The following ZNF707 variants were observed in gnomAD, a reference collection of about 807,000 sequenced individuals.
The protein encoded by ZNF707 is zinc finger protein 707.
Under a neutral mutation model 13.3 loss-of-function variants are expected in ZNF707, and 8 were observed. That is an observed-to-expected ratio of 0.60 (90% CI 0.35 to 1.09). The LOEUF is 1.09. ZNF707 is among the 50% of genes least tolerant of loss of function. The pLI is 0.02. For missense variants in ZNF707, 530 were observed against 512.6 expected, an observed-to-expected ratio of 1.03 and a Z score of -0.33; for synonymous variants, 225 against 205.6, an observed-to-expected ratio of 1.09 and a Z score of -0.81.
chr8:143,694,508 C>G lies in ZNF707; in HGVS notation c.1094C>G (p.Thr365Ser), dbSNP rs369906843. 6.2e-7 allele frequency: 1 copy of G among 1,604,608 alleles called. No homozygotes were observed. Among genetic ancestry groups the G allele is most frequent in the Non-Finnish European group, 8.5e-7 (1 of 1,173,800 alleles). Residue 365 changes from threonine (T) to serine (S), a missense_variant, in exon 6 of 6, where the codon ACT becomes AGT. Physicochemically the swap from Thr to Ser is moderately conservative, Grantham distance 58. Coordinates refer to ENST00000358656, the MANE Select transcript of ZNF707 (RefSeq NM_001100598.2). The surrounding 1 kb of genome is among the most constrained non-coding windows in gnomAD (Gnocchi z 4.4). ...HLGFFTRHQR[T>S]HRHGEV ...GGGTTCTTCACGCGGCATCAGAGGACTCACAGGCACGGGGAGGTGTAGGGG... is the reference window on the plus strand; with the variant it reads ...GGGTTCTTCACGCGGCATCAGAGGAGTCACAGGCACGGGGAGGTGTAGGGG...
intron 1 of ZNF707, among the ~76,000 whole-genome samples, chr8:143,686,049 T>G (rs1816231174): frequency 6.6e-6 from 1 of 152,124 alleles, no homozygotes; most frequent in South Asian, 2.1e-4. Context: ...CCAGTCCAGG[T>G]TGTGCAAACA....
chr8:143,692,009 G>A lies in ZNF707; in HGVS notation c.256+296G>A. 1.4e-6 allele frequency: 2 copies of A among 1,443,984 alleles called. 1 individual carries two copies. Among genetic ancestry groups the A allele is most frequent in the South Asian group, 2.4e-5 (2 of 82,374 alleles). The allele number at this position is 1,443,984 out of a possible 1,614,324, so 89.4% of individuals were successfully genotyped here. ...TTGAAGCCTGCACCTAGCCACCCAG[G>A]TGCTGTCCGGCGGAGGCCATTGGTG... On this transcript the variant is annotated intron_variant, in intron 5 of 5. Transcript: ENST00000358656.
Position 143,693,972 on chromosome 8 carries a change from C to G in ZNF707, c.558C>G (p.Ser186Arg), listed in dbSNP as rs1817088733. The change falls in exon 6 of 6, where the codon AGC becomes AGG. Residue 186 changes from serine (S) to arginine (R), a missense_variant. By Grantham distance (110) the Ser-to-Arg change is moderately radical (BLOSUM62 -1). Coordinates refer to ENST00000358656, the MANE Select transcript of ZNF707 (RefSeq NM_001100598.2). This position sits in a 1 kb window ranked among gnomAD's most constrained non-coding sequence, Gnocchi z 4.1. ...GCGGCACGTGCGGGAAGGCGCTCAG[C>G]TGCCACAGCCGGCTGCTCGCTCACC... is the stretch of plus-strand genomic sequence containing the variant. ...FICGTCGKAL[S>R]CHSRLLAHQT... 1.9e-6 allele frequency: 3 copies of G among 1,601,300 alleles called. No individual in the cohort carries two copies. In the South Asian group the frequency reaches 3.3e-5, roughly 18 times the overall value.
chr8:143,694,733 TGGC>T lies in ZNF707; in HGVS notation c.*206_*208del, dbSNP rs1817186202. ...AGCAGAGCCATGGGTACGCCGGAGA[TGGC>T]GGGGGCTCTGGAGATGGCGGGGGCT... On this transcript the variant is annotated 3_prime_UTR_variant, in exon 6 of 6. Transcript: ENST00000358656. This position sits in a 1 kb window ranked among gnomAD's most constrained non-coding sequence, Gnocchi z 4.4. The T allele has an allele frequency of 1.7e-6, 1 of 595,722 alleles. No individual in the cohort carries two copies. Among genetic ancestry groups the T allele is most frequent in the Non-Finnish European group, 2.8e-6 (1 of 359,132 alleles). 36.9% of individuals were successfully genotyped at this position (595,722 alleles called of 1,614,324 possible). A position where few individuals can be genotyped will look rare whatever the true frequency, so the allele number is the denominator to read the frequency against.
intron 1 of ZNF707, 72 bp from the exon 2 acceptor site, chr8:143,689,132 T>C (rs893028400): frequency 3.9e-5 from 6 of 152,260 alleles, no homozygotes; most frequent in Admixed American, 1.3e-4. Flanking sequence ...CCTTATCAGA[T>C]GGAAGGCTTC....
chr8:143,686,604 T>A (rs978851425), intron 1 of ZNF707, among the ~76,000 whole-genome samples: 4 of 152,240 alleles, frequency 2.6e-5, no homozygotes, highest in Admixed American at 2.0e-4. Context: ...ATAAGTCCTT[T>A]GTCAGATACA....
At chr8:143,692,390 T>C (rs1238634058) in intron 5 of ZNF707, 1 of 1,246,112 alleles carries the variant, frequency 8.0e-7, no homozygotes. Flanking sequence ...CCCCTGACTC[T>C]GGAGTGTCAG....
chr8:143,691,664 A>G lies in ZNF707; in HGVS notation c.207A>G (p.Glu69=), dbSNP rs1554613670. The change falls in exon 5 of 6, where the codon GAA becomes GAG. Residue 69 remains glutamate, a synonymous_variant. Coordinates refer to ENST00000358656, the MANE Select transcript of ZNF707 (RefSeq NM_001100598.2). ...RLEQWEEPWV[E]DRERPEFQAV... ...AACAGTGGGAGGAGCCGTGGGTTGA[A>G]GACCGGGAGAGACCTGAGTTCCAGG... 2 of 1,607,006 alleles carry G rather than the reference A, an allele frequency of 1.2e-6. No homozygotes were observed. Among genetic ancestry groups the G allele is most frequent in the East Asian group, 4.5e-5 (2 of 44,536 alleles).
At chr8:143,691,522 T>C (rs1257292456) in intron 4 of ZNF707, 78 bp from the exon 5 acceptor site, 21 of 1,456,262 alleles carry the variant, frequency 1.4e-5, no homozygotes, top group Non-Finnish European at 1.9e-5. Context: ...CTTAGGCTGA[T>C]GCACAACTGC....
rs1554614471 is a variant in ZNF707 at position 143,693,966 on chromosome 8, G to A, written c.552G>A (p.Ala184=). The change falls in exon 6 of 6, where the codon GCG becomes GCA. Residue 184 remains alanine, a synonymous_variant. Transcript: ENST00000358656. The surrounding 1 kb of genome is among the most constrained non-coding windows in gnomAD (Gnocchi z 4.1). ...TCATCTGCGGCACGTGCGGGAAGGC[G>A]CTCAGCTGCCACAGCCGGCTGCTCG... ...LSFICGTCGK[A]LSCHSRLLAH... 6.3e-6 allele frequency: 10 copies of A among 1,599,286 alleles called. No individual in the cohort carries two copies. The highest frequency in any genetic ancestry group is 3.3e-5 in the South Asian group (3 of 89,698).
chr8:143,694,283 G>A lies in ZNF707; in HGVS notation c.869G>A (p.Cys290Tyr). ...CACACCGGGGAGCGGCCGTTCTACT[G>A]CGCGGACTGCGGCAAAGCCTTCCGG... ...LVHTGERPFY[C>Y]ADCGKAFRTK... The change falls in exon 6 of 6, where the codon TGC becomes TAC. Residue 290 changes from cysteine (C) to tyrosine (Y), a missense_variant. By Grantham distance (194) the Cys-to-Tyr change is radical (BLOSUM62 -2). Coordinates refer to ENST00000358656, the MANE Select transcript of ZNF707 (RefSeq NM_001100598.2). This position sits in a 1 kb window ranked among gnomAD's most constrained non-coding sequence, Gnocchi z 4.4. The A allele has an allele frequency of 6.3e-7, 1 of 1,597,880 alleles. No individual in the cohort carries two copies. The highest frequency in any genetic ancestry group is 8.5e-7 in the Non-Finnish European group (1 of 1,171,224).
Position 143,693,867 on chromosome 8 carries a change from G to A in ZNF707, c.453G>A (p.Gln151=), listed in dbSNP as rs529276386. 1.2e-6 allele frequency: 2 copies of A among 1,609,814 alleles called. No homozygotes were observed. The highest frequency in any genetic ancestry group is 1.7e-6 in the Non-Finnish European group (2 of 1,178,144). The part of the protein sequence containing the change: ...TDAKPTAFPC[Q]VLTQRCGRRP... ...CCAAGCCCACGGCTTTCCCGTGTCA[G>A]GTGCTCACGCAGCGTTGTGGGCGGC... Residue 151 remains glutamine (Q), a synonymous_variant, in exon 6 of 6, where the codon CAG becomes CAA. Coordinates refer to ENST00000358656, the MANE Select transcript of ZNF707 (RefSeq NM_001100598.2). This position sits in a 1 kb window ranked among gnomAD's most constrained non-coding sequence, Gnocchi z 4.1.
chr8:143,687,373 T>C (rs1470919425), intron 1 of ZNF707: 1 of 152,278 alleles, frequency 6.6e-6, no homozygotes, highest in Non-Finnish European at 1.5e-5. Flanking sequence ...TTTGCTCTTG[T>C]TCCCCAGGCC....
chr8:143,694,469 G>A lies in ZNF707; in HGVS notation c.1055G>A (p.Gly352Asp), dbSNP rs782121498. The change falls in exon 6 of 6, where the codon GGC (glycine) becomes GAC (aspartate). Residue 352 changes from glycine to aspartate, a missense_variant. Gly to Asp is a moderately conservative substitution (Grantham distance 94). Coordinates refer to ENST00000358656, the MANE Select transcript of ZNF707 (RefSeq NM_001100598.2). The surrounding 1 kb of genome is among the most constrained non-coding windows in gnomAD (Gnocchi z 4.4). ...TACGAGTGCGGCCACTGTGGGAAAG[G>A]CTTCCGTCACCTGGGGTTCTTCACG... is the stretch of plus-strand genomic sequence containing the variant. ...RFYECGHCGK[G>D]FRHLGFFTRH... is the part of the protein sequence containing the mutation. 1.2e-5 allele frequency: 19 copies of A among 1,611,530 alleles called. No individual in the cohort carries two copies. The highest frequency in any genetic ancestry group is 1.5e-5 in the Non-Finnish European group (18 of 1,178,934).
At chr8:143,690,652 C>T (rs964973249) in intron 3 of ZNF707, among the ~76,000 whole-genome samples, 1 of 152,196 alleles carries the variant, frequency 6.6e-6, no homozygotes, top group Non-Finnish European at 1.5e-5. Context: ...TCTCTTAGTC[C>T]ACTAGAGCTA....
At chr8:143,684,907 G>C (rs1430141937) in intron 1 of ZNF707, 1 of 152,290 alleles carries the variant, frequency 6.6e-6, no homozygotes, top group African/African-American at 2.4e-5. Flanking sequence ...GCTTAGACTT[G>C]ATTCATAACA....
At chr8:143,686,668 GA>G (rs1218620771) in intron 1 of ZNF707, among the ~76,000 whole-genome samples, 46 of 150,804 alleles carry the variant, frequency 3.1e-4, no homozygotes, top group African/African-American at 1.0e-3. Flanking sequence ...TCTCTTTTTA[GA>G]AAAAAAAATT....
chr8:143,689,650 T>C (rs1307716778), intron 2 of ZNF707, among the ~76,000 whole-genome samples: 1 of 152,168 alleles, frequency 6.6e-6, no homozygotes, highest in Admixed American at 6.5e-5. Flanking sequence ...GGCACAGTGC[T>C]GTGGGAACGG....
intron 2 of ZNF707, among the ~76,000 whole-genome samples, chr8:143,689,523 T>C (rs1449788551): frequency 6.6e-6 from 1 of 152,002 alleles, no homozygotes; most frequent in Non-Finnish European, 1.5e-5. Context: ...GGGGATCTTG[T>C]GGCTTGATCT....
Sources: allele counts gnomAD v4.1 joint callset (sites outside exome capture counted in the v4.1 genomes callset), GRCh38; gene constraint gnomAD v4.1.1; non-coding constraint Gnocchi (gnomAD v3.1); transcripts MANE v1.5; gene names NCBI Gene and HGNC (gene_info 2026-07-23, HGNC 2026-07-21).